Variants in KTN1 observed in about 807,000 individuals in gnomAD.
The protein encoded by KTN1 is kinectin 1, also known as kinectin.
Under a neutral mutation model 222.5 loss-of-function variants are expected in KTN1, and 130 were observed. The observed-to-expected ratio is 0.58, with a 90% CI of 0.51 to 0.68. KTN1 has a LOEUF of 0.68. Ranked by LOEUF, KTN1 falls within the 30% of genes least tolerant of loss-of-function variation. The pLI is 0.00. For missense variants in KTN1, 1,508 were observed against 1,500.4 expected, an observed-to-expected ratio of 1.01 and a Z score of -0.08; for synonymous variants, 512 against 496.3, an observed-to-expected ratio of 1.03 and a Z score of -0.42.
At chr14:55,637,743 C>T (rs753377027) in intron 11 of KTN1, 36 bp from the exon 12 acceptor site, 2 of 1,465,266 alleles carry the variant, frequency 1.4e-6, no homozygotes, top group East Asian at 2.3e-5. Flanking sequence ...TATTTATTAG[C>T]ATGCTTTTTC....
intron 31 of KTN1, among the ~76,000 whole-genome samples, chr14:55,660,743 G>C (rs923969707): frequency 6.6e-5 from 10 of 151,982 alleles, no homozygotes; most frequent in Admixed American, 3.9e-4. Flanking sequence ...GGGACCCATA[G>C]GTCTGTTTTA....
At position 55,657,397 on chromosome 14, in the gene KTN1, G is replaced by GTTTTTTTTTTTT. The variant is rs35297700; in HGVS notation, c.2893-1146_2893-1135dup. On this transcript the variant is annotated intron_variant, in intron 29 of 43. Coordinates refer to ENST00000395314, the MANE Select transcript of KTN1 (RefSeq NM_001079521.2). ...CCCACACTTTTTCCACTGAGTTGAC[G>GTTTTTTTTTTTT]TTTTTTTTTTTTTTACTAATTTGTA... 2.5e-3 allele frequency among the ~76,000 whole-genome samples: 347 copies of GTTTTTTTTTTTT among 137,448 alleles called. 2 individuals are homozygous for GTTTTTTTTTTTT. Among genetic ancestry groups the GTTTTTTTTTTTT allele is most frequent in the African/African-American group, 4.0e-3 (146 of 36,470 alleles). 90.2% of individuals were successfully genotyped at this position (137,448 alleles called of 152,430 possible).
chr14:55,671,330 C>A (rs992851341), intron 35 of KTN1: 2 of 487,824 alleles, frequency 4.1e-6, no homozygotes, highest in Non-Finnish European at 3.6e-6. Context: ...TTTGATCTTA[C>A]CACCTGACTA....
intron 5 of KTN1, 124 bp from the exon 6 acceptor site, chr14:55,627,788 A>G (rs1421284640): frequency 1.6e-5 from 10 of 609,266 alleles, no homozygotes; most frequent in South Asian, 1.3e-4. Context: ...TGCAAAGGAC[A>G]TGAACTCATT....
In KTN1 at chr14:55,640,973, G is replaced by C. The variant is rs773525049; in HGVS notation, c.2021+3G>C. 30 of 1,608,076 alleles carry C rather than the reference G, an allele frequency of 1.9e-5. No homozygotes were observed. The highest frequency in any genetic ancestry group is 2.3e-5 in the Non-Finnish European group (27 of 1,175,320). ...GAATTGGAGAAGATGCAACAAAGGT[G>C]ACTAAAGTATTGTACATCTAGTCGT... On this transcript the variant is annotated splice_donor_region_variant and intron_variant, in intron 16 of 43. Transcript: ENST00000395314.
chr14:55,654,477 G>C (rs1333856448), intron 28 of KTN1, among the ~76,000 whole-genome samples: 1 of 150,610 alleles, frequency 6.6e-6, no homozygotes, highest in African/African-American at 2.4e-5. Context: ...TTTCTGGCCT[G>C]TTTATAGTAG....
rs981309934 is a variant in KTN1, at chr14:55,637,089, G to A, written c.1550-109G>A. ...ACAGGAGCATGCAAGAATGGAAGCA[G>A]GAGAGATTCAAAGAAGGTTTTCTAG... On this transcript the variant is annotated intron_variant, in intron 10 of 43. Coordinates refer to ENST00000395314, the MANE Select transcript of KTN1 (RefSeq NM_001079521.2). 6 of 713,032 alleles carry A rather than the reference G, an allele frequency of 8.4e-6. No homozygotes were observed. The African/African-American group carries it at 1.1e-4, about 13-fold the overall frequency. The allele number at this position is 713,032 out of a possible 1,614,324, so 44.2% of individuals were successfully genotyped here.
At chr14:55,615,848 C>T (rs1457434420) in intron 2 of KTN1, among the ~76,000 whole-genome samples, 1 of 150,010 alleles carries the variant, frequency 6.7e-6, no homozygotes, top group Non-Finnish European at 1.5e-5. Context: ...CTTTTCCTTC[C>T]TTTCCTTCCC....
At chr14:55,607,992 C>T (rs551129075) in intron 1 of KTN1, among the ~76,000 whole-genome samples, 22 of 152,284 alleles carry the variant, frequency 1.4e-4, no homozygotes, top group African/African-American at 5.3e-4. Context: ...TGTGAAAGAA[C>T]AACATGAGCG....
At chr14:55,626,525 A>G (rs968972709) in intron 5 of KTN1, among the ~76,000 whole-genome samples, 1 of 151,202 alleles carries the variant, frequency 6.6e-6, no homozygotes, top group African/African-American at 2.4e-5. Context: ...ATTTTTCTTC[A>G]CTTGTTATTT....
chr14:55,626,720 G>A (rs1019256944), intron 5 of KTN1, among the ~76,000 whole-genome samples: 7 of 152,124 alleles, frequency 4.6e-5, no homozygotes, highest in Admixed American at 1.3e-4. Context: ...TGGGGACTGT[G>A]TATGTAAAAT....
intron 1 of KTN1, among the ~76,000 whole-genome samples, chr14:55,589,428 G>A (rs1422455889): frequency 6.6e-6 from 1 of 151,594 alleles, no homozygotes; most frequent in Non-Finnish European, 1.5e-5. Context: ...CGATTCTACT[G>A]CCTCCTGAGT....
At chr14:55,624,461 A>G (rs2039542012) in intron 5 of KTN1, among the ~76,000 whole-genome samples, 1 of 152,152 alleles carries the variant, frequency 6.6e-6, no homozygotes, top group African/African-American at 2.4e-5. Context: ...CTTTGTAGAG[A>G]GTAGAGGATT....
chr14:55,615,963 G>A lies in KTN1; in HGVS notation c.524-554G>A, dbSNP rs938091941. Among the ~76,000 whole-genome samples the A allele has an allele frequency of 4.0e-5, 6 of 150,948 alleles. No individual in the cohort carries two copies. The South Asian group carries it at 6.3e-4, about 16-fold the overall frequency. ...GGGTCTTGCTCTGTTGCTGAGGCTCGAGTGAATGGTGTGATCTTGGCTCAC... is the reference window on the plus strand; with the variant it reads ...GGGTCTTGCTCTGTTGCTGAGGCTCAAGTGAATGGTGTGATCTTGGCTCAC... On this transcript the variant is annotated intron_variant, in intron 2 of 43. Transcript: ENST00000395314.
intron 7 of KTN1, 149 bp from the exon 8 acceptor site, chr14:55,633,086 T>G: frequency 6.5e-6 from 3 of 460,436 alleles, no homozygotes; most frequent in Non-Finnish European, 1.2e-5. Flanking sequence ...AATATAATTC[T>G]TTTAAATTTG....
At chr14:55,624,355 A>G (rs1321428470) in intron 5 of KTN1, among the ~76,000 whole-genome samples, 1 of 152,174 alleles carries the variant, frequency 6.6e-6, no homozygotes, top group East Asian at 1.9e-4. Context: ...TTTTTTGAGC[A>G]GTTGTATGTA....
At chr14:55,682,140 A>T (rs2046427630) in intron 43 of KTN1, 1 of 152,118 alleles carries the variant, frequency 6.6e-6, no homozygotes, top group African/African-American at 2.4e-5. Flanking sequence ...ATATGCATTG[A>T]TGTAGTTTTT....
chr14:55,637,666 C>T, intron 11 of KTN1, 113 bp from the exon 12 acceptor site: 3 of 747,480 alleles, frequency 4.0e-6, no homozygotes, highest in Non-Finnish European at 6.4e-6. Context: ...CTAAGAATGC[C>T]TTAAAAAAAA....
At chr14:55,631,793 CA>C (rs2040567099) in intron 7 of KTN1, among the ~76,000 whole-genome samples, 1 of 151,862 alleles carries the variant, frequency 6.6e-6, no homozygotes, top group Non-Finnish European at 1.5e-5. Context: ...CAAAAAACTC[CA>C]AACCTCTTTA....
Sources: allele counts gnomAD v4.1 joint callset (sites outside exome capture counted in the v4.1 genomes callset), GRCh38; gene constraint gnomAD v4.1.1; transcripts MANE v1.5; gene names NCBI Gene and HGNC (gene_info 2026-07-23, HGNC 2026-07-21).